Variants in TBC1D22A observed in about 807,000 individuals in gnomAD.
TBC1D22A encodes the protein TBC1 domain family member 22A, also known as putative GTPase activator.
A neutral mutation model predicts 60.2 loss-of-function variants in TBC1D22A; 38 were observed. The ratio of observed to expected loss-of-function variants is 0.63; its 90% CI spans 0.49 to 0.83. The LOEUF (loss-of-function observed/expected upper bound fraction) is 0.83. Ranked by LOEUF, TBC1D22A falls within the 40% of genes least tolerant of loss-of-function variation. The pLI is 0.00. For missense variants in TBC1D22A, 628 were observed against 701.0 expected (o/e 0.90, Z 1.18); for synonymous variants, 302 against 281.7 (o/e 1.07, Z -0.72).
chr22:47,016,107 C>T (rs2061904653), intron 10 of TBC1D22A, among the ~76,000 whole-genome samples: 1 of 152,210 alleles, frequency 6.6e-6, no homozygotes, highest in Non-Finnish European at 1.5e-5. Context: ...CCTGTGAGTC[C>T]AGCCCTCCAG....
At chr22:46,787,932 CTTT>C (rs547496103) in intron 1 of TBC1D22A, among the ~76,000 whole-genome samples, 1 of 107,148 alleles carries the variant, frequency 9.3e-6, no homozygotes, top group African/African-American at 3.6e-5. Flanking sequence ...GGGCAGGCTA[CTTT>C]TTTTTTTTTT....
chr22:46,968,684 C>T (rs960718154), intron 8 of TBC1D22A, among the ~76,000 whole-genome samples: 3 of 152,196 alleles, frequency 2.0e-5, no homozygotes, highest in African/African-American at 7.2e-5. Context: ...GCCTTCATCA[C>T]CAGGACCATC....
At chr22:47,010,326 C>T (rs181958892) in intron 10 of TBC1D22A, among the ~76,000 whole-genome samples, 18 of 151,734 alleles carry the variant, frequency 1.2e-4, no homozygotes, top group East Asian at 3.9e-4. Flanking sequence ...GAACAGGCAG[C>T]GTGGCTCCCT....
chr22:46,779,646 T>G (rs553647559), intron 1 of TBC1D22A, among the ~76,000 whole-genome samples: 92 of 152,304 alleles, frequency 6.0e-4, no homozygotes, highest in Non-Finnish European at 1.0e-3. Flanking sequence ...CGGGAAAAAA[T>G]CATTGTAAAA....
Position 47,051,000 on chromosome 22 carries a change from A to C in TBC1D22A, c.1329+13802A>C, listed in dbSNP as rs187611901. ...ACCTTTGCAGCCGCCTGGGAATAGC[A>C]GCGCTCCCTTTGCTAAGGAGACCCT... On this transcript the variant is annotated intron_variant, in intron 11 of 12. Coordinates refer to ENST00000337137, the MANE Select transcript of TBC1D22A (RefSeq NM_014346.5). Among the ~76,000 whole-genome samples, 746 of 152,266 alleles carry C rather than the reference A, an allele frequency of 4.9e-3. 13 individuals are homozygous for C. The highest frequency in any genetic ancestry group is 0.017 in the African/African-American group (708 of 41,554).
intron 4 of TBC1D22A, among the ~76,000 whole-genome samples, chr22:46,798,144 T>A (rs2146938529): frequency 1.3e-5 from 2 of 152,366 alleles, no homozygotes; most frequent in Non-Finnish European, 2.9e-5. Flanking sequence ...CACAAAGCAC[T>A]GGGCTTAAGG....
chr22:47,165,033 C>T (rs959000636), intron 12 of TBC1D22A, among the ~76,000 whole-genome samples: 1 of 152,102 alleles, frequency 6.6e-6, no homozygotes, highest in Non-Finnish European at 1.5e-5. Flanking sequence ...GGGGCCTATC[C>T]GGTGCTCACT....
intron 11 of TBC1D22A, among the ~76,000 whole-genome samples, chr22:47,098,083 A>G (rs1445643594): frequency 1.3e-5 from 2 of 152,202 alleles, no homozygotes; most frequent in East Asian, 3.8e-4. Context: ...GAAAAAGAAA[A>G]AAAATCAGGA....
intron 11 of TBC1D22A, among the ~76,000 whole-genome samples, chr22:47,102,165 G>A (rs529324225): frequency 1.3e-5 from 2 of 152,302 alleles, no homozygotes; most frequent in South Asian, 4.1e-4. Context: ...CTCAGTCTCT[G>A]GCGCCTTCCT....
chr22:46,785,743 A>G (rs1258328324), intron 1 of TBC1D22A, among the ~76,000 whole-genome samples: 3 of 152,196 alleles, frequency 2.0e-5, no homozygotes, highest in Non-Finnish European at 4.4e-5. Flanking sequence ...TGAGCATAAT[A>G]TTTTCAAGAT....
At position 46,913,612 on chromosome 22, in the gene TBC1D22A, AC is replaced by A. The variant is rs150526159; in HGVS notation, c.1015+1428del. 3,453 of 985,316 alleles carry A rather than the reference AC, an allele frequency of 3.5e-3. 82 individuals are homozygous for A. In the African/African-American group the frequency reaches 0.052, roughly 15 times the overall value. 61.0% of individuals were successfully genotyped at this position (985,316 alleles called of 1,614,324 possible). On this transcript the variant is annotated intron_variant, in intron 8 of 12. Transcript: ENST00000337137. Reference sequence around the variant, plus strand: ...GAGGGTGCTTGCTTTTCTGCCTCTTACCCCTCATTTGACAGATAATGAAAAT... The same window carrying A: ...GAGGGTGCTTGCTTTTCTGCCTCTTACCCTCATTTGACAGATAATGAAAAT...
chr22:47,173,696 C>A lies in TBC1D22A; in HGVS notation c.*70C>A. The A allele has an allele frequency of 1.9e-6, 3 of 1,601,478 alleles. No homozygotes were observed. The highest frequency in any genetic ancestry group is 2.6e-6 in the Non-Finnish European group (3 of 1,172,994). ...CCCCACCTGCCTGGCTGGTGGTAGGCCCCTGTGAGCTGGTCCCGGGCTGCT... is the reference window on the plus strand; with the variant it reads ...CCCCACCTGCCTGGCTGGTGGTAGGACCCTGTGAGCTGGTCCCGGGCTGCT... On this transcript the variant is annotated 3_prime_UTR_variant, in exon 13 of 13. Coordinates refer to ENST00000337137, the MANE Select transcript of TBC1D22A (RefSeq NM_014346.5).
At position 46,997,637 on chromosome 22, in the gene TBC1D22A, A is replaced by G; in HGVS notation, c.1129A>G (p.Asn377Asp). 1.2e-6 allele frequency: 2 copies of G among 1,613,578 alleles called. No homozygotes were observed. Among genetic ancestry groups the G allele is most frequent in the Non-Finnish European group, 1.7e-6 (2 of 1,179,674 alleles). Residue 377 changes from asparagine to aspartate, a missense_variant, in exon 10 of 13, where the codon AAC becomes GAC. Transcript: ENST00000337137. ...MSKLLDGIQD[N>D]YTFAQPGIQM... ...CACATTATTCTTTTTTCCTTAGGAC[A>G]ACTACACCTTTGCCCAACCTGGGAT...
chr22:47,126,944 A>C (rs1249799749), intron 12 of TBC1D22A, among the ~76,000 whole-genome samples: 1 of 152,338 alleles, frequency 6.6e-6, no homozygotes, highest in East Asian at 1.9e-4. Flanking sequence ...GAGATGATGG[A>C]CGGAGGAGAG....
At chr22:47,000,868 T>C (rs2061384308) in intron 10 of TBC1D22A, among the ~76,000 whole-genome samples, 1 of 151,888 alleles carries the variant, frequency 6.6e-6, no homozygotes, top group Non-Finnish European at 1.5e-5. Flanking sequence ...AATAAATGTC[T>C]TAAAAGCATT....
intron 4 of TBC1D22A, among the ~76,000 whole-genome samples, chr22:46,806,163 A>G (rs2085125629): frequency 6.6e-6 from 1 of 152,092 alleles, no homozygotes; most frequent in African/African-American, 2.4e-5. Context: ...CAACCCTCTT[A>G]TCACATTTAC....
intron 12 of TBC1D22A, among the ~76,000 whole-genome samples, chr22:47,113,610 A>G (rs926084156): frequency 1.3e-5 from 2 of 152,184 alleles, no homozygotes; most frequent in Admixed American, 1.3e-4. Context: ...GAGAACAGTA[A>G]AGAAATGATT....
rs529647457 is a variant in TBC1D22A at position 47,103,954 on chromosome 22, T to G, written c.1330-7554T>G. On this transcript the variant is annotated intron_variant, in intron 11 of 12. Coordinates refer to ENST00000337137, the MANE Select transcript of TBC1D22A (RefSeq NM_014346.5). The stretch of plus-strand genomic sequence containing the variant: ...TCAAAATATTTTACCCCAAAACGTG[T>G]TTTTTTTGCCATATTTGGAAATGGC... Among the ~76,000 whole-genome samples, 125 of 151,802 alleles carry G rather than the reference T, an allele frequency of 8.2e-4. 1 individual carries two copies. The highest frequency in any genetic ancestry group is 3.8e-3 in the South Asian group (18 of 4,782).
chr22:46,901,064 T>C (rs560938186), intron 7 of TBC1D22A, among the ~76,000 whole-genome samples: 32 of 152,264 alleles, frequency 2.1e-4, no homozygotes, highest in Non-Finnish European at 4.6e-4. Context: ...GCTTCTTTGA[T>C]CTGTTAATGT....
Sources: allele counts gnomAD v4.1 joint callset (sites outside exome capture counted in the v4.1 genomes callset), GRCh38; gene constraint gnomAD v4.1.1; transcripts MANE v1.5; gene names NCBI Gene and HGNC (gene_info 2026-07-23, HGNC 2026-07-21).